The following PWWP3B variants were observed in gnomAD, a reference collection of about 807,000 sequenced individuals.
PWWP3B encodes PWWP domain containing 3B.
A neutral mutation model predicts 15.7 loss-of-function variants in PWWP3B; 5 were observed. The observed-to-expected ratio is 0.32, with a 90% CI of 0.17 to 0.67. The LOEUF is 0.67. Ranked by LOEUF, PWWP3B falls within the 30% of genes least tolerant of loss-of-function variation. The probability of loss-of-function intolerance (pLI) is 0.74; values close to 1 mark genes in which losing one functional copy is unlikely to be tolerated. For synonymous variants in PWWP3B, 203 were observed against 179.8 expected (o/e 1.13, Z -1.03); for missense variants, 519 against 493.1 (o/e 1.05, Z -0.50).
At chrX:106,195,608 G>C (rs1434067792) in intron 2 of PWWP3B, among the ~76,000 whole-genome samples, 1 of 111,629 alleles carries the variant, frequency 9.0e-6, no homozygotes, top group Non-Finnish European at 1.9e-5. Context: ...AATTACCTTT[G>C]TCCAAAATCT....
intron 2 of PWWP3B, among the ~76,000 whole-genome samples, chrX:106,203,153 TTTATC>T (rs1410141611): frequency 8.9e-6 from 1 of 111,741 alleles, no homozygotes; most frequent in Non-Finnish European, 1.9e-5. Flanking sequence ...ATGAGATACA[TTTATC>T]TTTATATGTA....
rs753762222 is a variant in PWWP3B at position 106,208,346 on chromosome X, C to T, written c.*823C>T. On this transcript the variant is annotated 3_prime_UTR_variant, in exon 4 of 4. Transcript: ENST00000357175. ...GATCTTCTTAATATAGCTGTCTGAC[C>T]ACATGTGGAAGGCAGCTAGACTTAT... 8.1e-6 allele frequency: 1 copy of T among 123,127 alleles called. No individual in the cohort carries two copies. Among genetic ancestry groups the T allele is most frequent in the East Asian group, 2.8e-4 (1 of 3,554 alleles). 10.1% of individuals were successfully genotyped at this position (123,127 alleles called of 1,213,427 possible).
chrX:106,170,165 AGAT>A (rs375043747), intron 1 of PWWP3B, among the ~76,000 whole-genome samples: 6 of 112,255 alleles, frequency 5.3e-5, no homozygotes, highest in African/African-American at 1.9e-4. Context: ...ATTCACAAAA[AGAT>A]GATATGGAAA....
intron 1 of PWWP3B, among the ~76,000 whole-genome samples, chrX:106,169,601 A>G (rs1274223839): frequency 8.9e-6 from 1 of 111,775 alleles, no homozygotes; most frequent in East Asian, 2.8e-4. Context: ...TTTTCTTGCA[A>G]TTCAACTATT....
chrX:106,180,766 A>C (rs992993643), intron 2 of PWWP3B, among the ~76,000 whole-genome samples: 1 of 112,179 alleles, frequency 8.9e-6, no homozygotes, highest in African/African-American at 3.2e-5. Flanking sequence ...TCTATGGTCT[A>C]TTTGAAACCT....
At chrX:106,183,559 G>A (rs1922333335) in intron 2 of PWWP3B, among the ~76,000 whole-genome samples, 1 of 111,809 alleles carries the variant, frequency 8.9e-6, no homozygotes, top group Non-Finnish European at 1.9e-5. Flanking sequence ...TGGCTAATAT[G>A]TCCCTCCCTA....
chrX:106,199,739 T>G (rs1245625029), intron 2 of PWWP3B, among the ~76,000 whole-genome samples: 1 of 111,414 alleles, frequency 9.0e-6, no homozygotes, highest in Non-Finnish European at 1.9e-5. Context: ...GACCATGGCT[T>G]GCAGTGAGGG....
intron 2 of PWWP3B, among the ~76,000 whole-genome samples, chrX:106,181,851 C>T (rs1012632935): frequency 9.0e-6 from 1 of 111,674 alleles, no homozygotes; most frequent in East Asian, 2.8e-4. Flanking sequence ...GGCCTTGATC[C>T]TAGAAGAAAT....
Position 106,205,614 on chromosome X carries a change from C to G in PWWP3B, c.182C>G (p.Ser61Cys). The change falls in exon 4 of 4, where the codon TCT (serine) becomes TGT (cysteine). Residue 61 changes from serine (S) to cysteine (C), a missense_variant. Coordinates refer to ENST00000357175, the MANE Select transcript of PWWP3B (RefSeq NM_001171020.2). ...ACAGAAACAAAGATCCTAAATAAATCTCAAATTGAAGCCATTGCTGCCTCA... is the reference window on the plus strand; with the variant it reads ...ACAGAAACAAAGATCCTAAATAAATGTCAAATTGAAGCCATTGCTGCCTCA... ...DSTETKILNK[S>C]QIEAIAASLG... 1 of 1,208,943 alleles carries G rather than the reference C, an allele frequency of 8.3e-7. No homozygotes were observed. The highest frequency in any genetic ancestry group is 1.7e-5 in the African/African-American group (1 of 57,711).
chrX:106,195,724 A>AATCTTCT (rs1467063169), intron 2 of PWWP3B, among the ~76,000 whole-genome samples: 1 of 111,793 alleles, frequency 8.9e-6, no homozygotes, highest in East Asian at 2.8e-4. Context: ...AGGTAGTATG[A>AATCTTCT]ATCTTCTAAC....
intron 2 of PWWP3B, among the ~76,000 whole-genome samples, chrX:106,186,048 T>C (rs1157897088): frequency 9.0e-6 from 1 of 111,457 alleles, no homozygotes; most frequent in Non-Finnish European, 1.9e-5. Flanking sequence ...TAGGAGAAAC[T>C]AGAAAAGCAC....
At chrX:106,168,983 G>T (rs1482991859) in intron 1 of PWWP3B, among the ~76,000 whole-genome samples, 1 of 111,638 alleles carries the variant, frequency 9.0e-6, no homozygotes, top group Non-Finnish European at 1.9e-5. Flanking sequence ...TCTCTCAAGA[G>T]AATTGTACAT....
intron 2 of PWWP3B, among the ~76,000 whole-genome samples, chrX:106,189,612 CTT>C (rs1277003635): frequency 5.7e-4 from 44 of 77,823 alleles, no homozygotes; most frequent in African/African-American, 1.8e-3. Flanking sequence ...GCCACATTTT[CTT>C]TTTTTTTTTT....
In PWWP3B at chrX:106,206,132, G is replaced by T. The variant is rs1329842665; in HGVS notation, c.700G>T (p.Glu234Ter). ...AGAGGAAAGTGCATGTGTTAAAGAT[G>T]AAAAGTTTGCTCCACCTTTGTCACC... is the stretch of plus-strand genomic sequence containing the variant. ...VKEESACVKD[E>*]KFAPPLSPLS... is the part of the protein sequence containing the mutation. Residue 234 changes from glutamate (E) to a stop codon, truncating the protein, a stop_gained, in exon 4 of 4, where the codon GAA becomes TAA. Coordinates refer to ENST00000357175, the MANE Select transcript of PWWP3B (RefSeq NM_001171020.2). LOFTEE classifies it low-confidence loss of function (END_TRUNC). 1 of 1,210,860 alleles carries T rather than the reference G, an allele frequency of 8.3e-7. No homozygotes were observed. The highest frequency in any genetic ancestry group is 3.0e-5 in the East Asian group (1 of 33,839).
At chrX:106,187,788 G>A (rs1163355102) in intron 2 of PWWP3B, among the ~76,000 whole-genome samples, 1 of 111,431 alleles carries the variant, frequency 9.0e-6, no homozygotes, top group African/African-American at 3.3e-5. Flanking sequence ...ACCAATGTCT[G>A]TGGCCTCCTC....
chrX:106,183,391 G>T (rs769501669), intron 2 of PWWP3B, among the ~76,000 whole-genome samples: 5 of 111,526 alleles, frequency 4.5e-5, no homozygotes, highest in Non-Finnish European at 9.4e-5. Flanking sequence ...AAGGAAAAGT[G>T]GTGGGGTCTT....
intron 2 of PWWP3B, among the ~76,000 whole-genome samples, chrX:106,192,447 T>C (rs902907843): frequency 9.0e-6 from 1 of 111,631 alleles, no homozygotes; most frequent in Non-Finnish European, 1.9e-5. Flanking sequence ...TCTTTATTAG[T>C]CTTGGTAGCG....
At chrX:106,176,905 G>A (rs1234561854) in intron 2 of PWWP3B, among the ~76,000 whole-genome samples, 2 of 112,492 alleles carry the variant, frequency 1.8e-5, no homozygotes, top group African/African-American at 6.5e-5. Context: ...ACAAAATAAT[G>A]TATTAATTCA....
chrX:106,207,204 G>A lies in PWWP3B; in HGVS notation c.1772G>A (p.Arg591Lys). Residue 591 changes from arginine to lysine, a missense_variant, in exon 4 of 4, where the codon AGG (arginine) becomes AAG (lysine). By Grantham distance (26) the Arg-to-Lys change is conservative. Transcript: ENST00000357175. ...RWLKSFLNAN[R>K]FTPCIETYFE... ...CTGAAATCATTTTTGAATGCAAATA[G>A]GTTCACACCCTGTATTGAAACATAC... 1.7e-6 allele frequency: 2 copies of A among 1,208,677 alleles called. No homozygotes were observed. The highest frequency in any genetic ancestry group is 2.2e-6 in the Non-Finnish European group (2 of 893,765).
Sources: gnomAD v4.1 joint callset for allele counts (sites outside exome capture counted in the v4.1 genomes callset) on GRCh38, gnomAD v4.1.1 for gene constraint, MANE v1.5 for transcripts, NCBI Gene and HGNC (gene_info 2026-07-23, HGNC 2026-07-21) for gene names.